Variants in GPR158 observed in about 807,000 individuals in gnomAD.
The protein encoded by GPR158 is metabotropic glycine receptor.
Under a neutral mutation model 78.2 loss-of-function variants are expected in GPR158, and 30 were observed. That is an observed-to-expected ratio of 0.38 (90% CI 0.29 to 0.52). GPR158 has a LOEUF of 0.52. Ranked by LOEUF, GPR158 falls within the 20% of genes least tolerant of loss-of-function variation. GPR158 has a pLI of 0.83. For missense variants in GPR158, 1,463 were observed against 1,523.5 expected (o/e 0.96, Z 0.66); for synonymous variants, 581 against 591.1 (o/e 0.98, Z 0.25).
intron 2 of GPR158, among the ~76,000 whole-genome samples, chr10:25,279,437 G>A (rs1312884652): frequency 2.6e-5 from 4 of 152,066 alleles, no homozygotes; most frequent in East Asian, 1.9e-4. Flanking sequence ...TGCACAGACC[G>A]AGTCCAATGA....
At chr10:25,201,891 G>A (rs116226884) in intron 1 of GPR158, among the ~76,000 whole-genome samples, 3,927 of 152,116 alleles carry the variant, frequency 0.026, 156 homozygotes, top group African/African-American at 0.086. Flanking sequence ...TTTTGTTGAG[G>A]ATTGTTGCAT....
chr10:25,362,113 T>A (rs1588824973), intron 2 of GPR158, among the ~76,000 whole-genome samples: 2 of 151,980 alleles, frequency 1.3e-5, no homozygotes, highest in East Asian at 3.9e-4. Context: ...TGGCTTTAGA[T>A]CTTTAATTAT....
chr10:25,239,738 A>T (rs1853578245), intron 2 of GPR158, among the ~76,000 whole-genome samples: 1 of 152,224 alleles, frequency 6.6e-6, no homozygotes, highest in Non-Finnish European at 1.5e-5. Flanking sequence ...TTCAGTGCAG[A>T]AAGTTCTGTT....
chr10:25,555,122 T>G (rs2130716131), intron 6 of GPR158, among the ~76,000 whole-genome samples: 1 of 152,232 alleles, frequency 6.6e-6, no homozygotes, highest in South Asian at 2.1e-4. Context: ...GAGGTTATTG[T>G]AGCCTTGTAG....
chr10:25,319,053 A>C (rs1223715468), intron 2 of GPR158, among the ~76,000 whole-genome samples: 1 of 152,194 alleles, frequency 6.6e-6, no homozygotes, highest in Admixed American at 6.5e-5. Context: ...CTTTTCTCCT[A>C]CTTGACTGGT....
At chr10:25,197,588 C>T (rs1349591833) in intron 1 of GPR158, among the ~76,000 whole-genome samples, 1 of 152,082 alleles carries the variant, frequency 6.6e-6, no homozygotes, top group Non-Finnish European at 1.5e-5. Context: ...ACACAATTGG[C>T]ATGTTTAATT....
In GPR158 at chr10:25,500,505, AAAG is replaced by A. The variant is rs1161654124; in HGVS notation, c.1404+33790_1404+33792del. Among the ~76,000 whole-genome samples the A allele has an allele frequency of 5.3e-5, 8 of 152,222 alleles. No individual in the cohort carries two copies. In the East Asian group the frequency reaches 9.6e-4, roughly 18 times the overall value. ...GAATTGCTATCACTTCTAAATCCTG[AAAG>A]AAGTCAGACAGGACCCTTATTAAGT... On this transcript the variant is annotated intron_variant, in intron 5 of 10. Transcript: ENST00000376351.
rs1835428455 is a variant in GPR158 at position 25,466,697 on chromosome 10, G to A, written c.1382G>A (p.Gly461Glu). 2 of 1,603,496 alleles carry A rather than the reference G, an allele frequency of 1.2e-6. No homozygotes were observed. Among genetic ancestry groups the A allele is most frequent in the African/African-American group, 1.3e-5 (1 of 74,382 alleles). The change falls in exon 5 of 11, where the codon GGA becomes GAA. Residue 461 changes from glycine (G) to glutamate (E), a missense_variant. Physicochemically the swap from Gly to Glu is moderately conservative, Grantham distance 98. Coordinates refer to ENST00000376351, the MANE Select transcript of GPR158 (RefSeq NM_020752.3). ...GLILLETILF[G>E]SLLLYFPVVI... ...ATCCTGTTGGAAACGATCCTTTTTG[G>A]ATCTCTGCTCCTATACTTTCCAGTA...
At position 25,175,925 on chromosome 10, in the gene GPR158, C is replaced by A. The variant is rs1395903088; in HGVS notation, c.505C>A (p.Pro169Thr). The change falls in exon 1 of 11, where the codon CCC (proline) becomes ACC (threonine). Residue 169 changes from proline to threonine, a missense_variant. By Grantham distance (38) the Pro-to-Thr change is conservative. Coordinates refer to ENST00000376351, the MANE Select transcript of GPR158 (RefSeq NM_020752.3). This position sits in a 1 kb window ranked among gnomAD's most constrained non-coding sequence, Gnocchi z 6.4. ...ALVWSLLEGEPSISRAAITFS... is the reference protein window; with the variant it reads ...ALVWSLLEGETSISRAAITFS... ...GGTGTGGAGCCTTCTGGAGGGCGAGCCCAGCATCTCCCGGGCGGCCATCAC... is the reference window on the plus strand; with the variant it reads ...GGTGTGGAGCCTTCTGGAGGGCGAGACCAGCATCTCCCGGGCGGCCATCAC... 6.2e-7 allele frequency: 1 copy of A among 1,613,406 alleles called. No individual in the cohort carries two copies. Among genetic ancestry groups the A allele is most frequent in the Non-Finnish European group, 8.5e-7 (1 of 1,179,962 alleles).
intron 3 of GPR158, among the ~76,000 whole-genome samples, chr10:25,404,758 G>T (rs866555280): frequency 3.9e-5 from 6 of 152,186 alleles, no homozygotes; most frequent in Middle Eastern, 6.8e-3. Context: ...ATATAGATTT[G>T]TGGAACTCTA....
intron 2 of GPR158, among the ~76,000 whole-genome samples, chr10:25,270,704 T>G (rs1218635533): frequency 1.3e-5 from 2 of 152,196 alleles, no homozygotes; most frequent in Non-Finnish European, 2.9e-5. Flanking sequence ...ATCTCCTTCT[T>G]CCTCATCACC....
intron 2 of GPR158, among the ~76,000 whole-genome samples, chr10:25,359,766 G>T (rs1429205216): frequency 2.0e-5 from 3 of 151,962 alleles, no homozygotes; most frequent in Admixed American, 2.0e-4. Flanking sequence ...TAATCCTTTG[G>T]GTATATACCC....
intron 5 of GPR158, among the ~76,000 whole-genome samples, chr10:25,511,190 C>T (rs1836080732): frequency 6.6e-6 from 1 of 152,126 alleles, no homozygotes; most frequent in African/African-American, 2.4e-5. Context: ...CTTTTTGCCA[C>T]ATCCCTGCCA....
intron 7 of GPR158, among the ~76,000 whole-genome samples, chr10:25,586,391 A>ATTTT (rs71399977): frequency 4.2e-5 from 3 of 70,910 alleles, no homozygotes; most frequent in East Asian, 4.3e-4. Flanking sequence ...GTATGTGTGA[A>ATTTT]TTTTTTTTTT....
At chr10:25,538,589 C>G (rs995263076) in intron 5 of GPR158, among the ~76,000 whole-genome samples, 2 of 152,222 alleles carry the variant, frequency 1.3e-5, no homozygotes, top group African/African-American at 4.8e-5. Context: ...AACTCCTGGC[C>G]GTAAGTGATC....
intron 5 of GPR158, among the ~76,000 whole-genome samples, chr10:25,479,059 G>C (rs949175589): frequency 6.6e-6 from 1 of 151,910 alleles, no homozygotes; most frequent in Admixed American, 6.6e-5. Context: ...TGGACATTTG[G>C]GTTGGTTCCA....
At chr10:25,219,526 A>G (rs1469324546) in intron 1 of GPR158, among the ~76,000 whole-genome samples, 2 of 152,118 alleles carry the variant, frequency 1.3e-5, no homozygotes, top group Admixed American at 6.5e-5. Context: ...TTGTGTTTTC[A>G]TTTCACTGAT....
At chr10:25,342,380 C>G (rs908748710) in intron 2 of GPR158, among the ~76,000 whole-genome samples, 4 of 151,832 alleles carry the variant, frequency 2.6e-5, no homozygotes, top group African/African-American at 9.7e-5. Context: ...GTCTTCTTAC[C>G]TTGGATCCTA....
At chr10:25,339,685 C>T (rs74959945) in intron 2 of GPR158, among the ~76,000 whole-genome samples, 3,985 of 152,126 alleles carry the variant, frequency 0.026, 178 homozygotes, top group African/African-American at 0.092. Flanking sequence ...CCTTCTCTTC[C>T]TCATTTGCTA....
Sources: gnomAD v4.1 joint callset for allele counts (sites outside exome capture counted in the v4.1 genomes callset) on GRCh38, gnomAD v4.1.1 for gene constraint, Gnocchi (gnomAD v3.1) non-coding constraint, MANE v1.5 for transcripts, NCBI Gene and HGNC (gene_info 2026-07-23, HGNC 2026-07-21) for gene names.